MACROD2: variants seen among roughly 807,000 people sequenced by gnomAD.
MACROD2 encodes ADP-ribose glycohydrolase MACROD2.
MACROD2 carries 36 observed loss-of-function variants against 70.4 expected under a neutral mutation model. That is an observed-to-expected ratio of 0.51 (90% CI 0.39 to 0.68). MACROD2 has a LOEUF of 0.68. Among genes scored for constraint, MACROD2 ranks in the 30% least tolerant of loss-of-function variants. MACROD2 has a pLI of 0.00. For synonymous variants in MACROD2, 172 were observed against 178.8 expected (o/e 0.96, Z 0.30); for missense variants, 496 against 538.4 (o/e 0.92, Z 0.78).
chr20:14,616,181 A>G (rs189556661), intron 4 of MACROD2, among the ~76,000 whole-genome samples: 55 of 152,248 alleles, frequency 3.6e-4, no homozygotes, highest in Admixed American at 1.8e-3. Context: ...GGCCATATAA[A>G]CAGCACGTAT....
chr20:15,211,497 C>G (rs1383963751), intron 5 of MACROD2, among the ~76,000 whole-genome samples: 1 of 152,058 alleles, frequency 6.6e-6, no homozygotes, highest in East Asian at 1.9e-4. Flanking sequence ...CAGGTGGATC[C>G]TTTATAAATG....
chr20:15,637,218 C>CGGTAT (rs1484911192), intron 8 of MACROD2, among the ~76,000 whole-genome samples: 21 of 55,862 alleles, frequency 3.8e-4, no homozygotes, highest in African/African-American at 9.7e-4. Flanking sequence ...TATTTACTTG[C>CGGTAT]TGTATTAATT....
At chr20:15,427,024 G>GTC (rs74340878) in intron 6 of MACROD2, among the ~76,000 whole-genome samples, 215 of 151,710 alleles carry the variant, frequency 1.4e-3, no homozygotes, top group Non-Finnish European at 2.2e-3. Context: ...CTGTCTGTCT[G>GTC]TCTCTCTCTC....
intron 12 of MACROD2, among the ~76,000 whole-genome samples, chr20:15,941,921 C>A (rs565853049): frequency 6.6e-6 from 1 of 152,188 alleles, no homozygotes; most frequent in East Asian, 1.9e-4. Flanking sequence ...TTTGTTACAA[C>A]CTTGGTTTCC....
intron 2 of MACROD2, among the ~76,000 whole-genome samples, chr20:14,082,613 A>G (rs2054014307): frequency 6.6e-6 from 1 of 152,216 alleles, no homozygotes; most frequent in African/African-American, 2.4e-5. Context: ...CTTCATGAGA[A>G]AATGAAATAA....
At chr20:14,839,944 T>C (rs528928562) in intron 5 of MACROD2, among the ~76,000 whole-genome samples, 1 of 152,208 alleles carries the variant, frequency 6.6e-6, no homozygotes, top group South Asian at 2.1e-4. Flanking sequence ...GTAAAATGTC[T>C]CTTCCCTCTT....
chr20:14,768,544 C>T (rs1019363139), intron 5 of MACROD2, among the ~76,000 whole-genome samples: 4 of 152,008 alleles, frequency 2.6e-5, no homozygotes, highest in East Asian at 1.9e-4. Context: ...GTCTCAAGCA[C>T]GTGGCCTCAA....
At chr20:16,019,216 C>T (rs753086886) in intron 15 of MACROD2, among the ~76,000 whole-genome samples, 1 of 152,136 alleles carries the variant, frequency 6.6e-6, no homozygotes, top group Non-Finnish European at 1.5e-5. Flanking sequence ...TTAAAAAGAA[C>T]AAACCAACTT....
intron 3 of MACROD2, among the ~76,000 whole-genome samples, chr20:14,374,356 C>T (rs1327654679): frequency 6.6e-6 from 1 of 152,026 alleles, no homozygotes; most frequent in African/African-American, 2.4e-5. Flanking sequence ...ACAATGTGAC[C>T]CAAAATACTG....
intron 2 of MACROD2, among the ~76,000 whole-genome samples, chr20:14,079,141 G>GTTT (rs1479409934): frequency 6.6e-6 from 1 of 152,060 alleles, no homozygotes; most frequent in African/African-American, 2.4e-5. Context: ...CTTTTACTCT[G>GTTT]ATTCTTCCTG....
At chr20:14,342,399 A>G (rs191344614) in intron 3 of MACROD2, among the ~76,000 whole-genome samples, 185 of 152,282 alleles carry the variant, frequency 1.2e-3, no homozygotes, top group Admixed American at 2.2e-3. Context: ...AAACATCTTT[A>G]AAAGATACTC....
At chr20:14,696,518 C>T (rs1448635971) in intron 5 of MACROD2, among the ~76,000 whole-genome samples, 2 of 152,108 alleles carry the variant, frequency 1.3e-5, no homozygotes, top group African/African-American at 4.8e-5. Flanking sequence ...TTCCCATTAG[C>T]TGTTTTATTT....
chr20:15,825,390 G>A (rs1395652180), intron 8 of MACROD2, among the ~76,000 whole-genome samples: 1 of 152,170 alleles, frequency 6.6e-6, no homozygotes, highest in African/African-American at 2.4e-5. Flanking sequence ...CAAGGCTGAA[G>A]CTGATCTCCC....
At chr20:14,166,097 T>A (rs1254090967) in intron 3 of MACROD2, among the ~76,000 whole-genome samples, 1 of 152,232 alleles carries the variant, frequency 6.6e-6, no homozygotes, top group African/African-American at 2.4e-5. Flanking sequence ...GAATGATTTA[T>A]CATAAGTAAA....
chr20:15,721,919 C>A (rs1406300970), intron 8 of MACROD2, among the ~76,000 whole-genome samples: 1 of 152,142 alleles, frequency 6.6e-6, no homozygotes, highest in East Asian at 1.9e-4. Flanking sequence ...CTTTTATATT[C>A]TACTAGGTGT....
Position 15,890,072 on chromosome 20 carries a change from T to C in MACROD2, c.775+4261T>C, listed in dbSNP as rs141038662. ...CCAAAACACTTCACCTGTGGTATCA[T>C]GAAATGATACAATACTGTTTCACAG... On this transcript the variant is annotated intron_variant, in intron 10 of 17. Coordinates refer to ENST00000684519, the MANE Select transcript of MACROD2 (RefSeq NM_001351661.2). Among the ~76,000 whole-genome samples the C allele has an allele frequency of 7.5e-3, 1,141 of 152,306 alleles. 18 individuals carry two copies. Among genetic ancestry groups the C allele is most frequent in the African/African-American group, 0.026 (1,067 of 41,558 alleles).
chr20:16,019,871 T>A (rs1051378121), intron 15 of MACROD2, among the ~76,000 whole-genome samples: 3 of 152,078 alleles, frequency 2.0e-5, no homozygotes, highest in African/African-American at 7.2e-5. Flanking sequence ...CAGGAGAGTT[T>A]TCAGGTGTCA....
intron 8 of MACROD2, among the ~76,000 whole-genome samples, chr20:15,737,049 T>C (rs2051031799): frequency 6.6e-6 from 1 of 152,054 alleles, no homozygotes; most frequent in African/African-American, 2.4e-5. Flanking sequence ...GAGAAAGAGG[T>C]GTAGGACTTA....
intron 3 of MACROD2, among the ~76,000 whole-genome samples, chr20:14,470,155 T>G (rs1365799509): frequency 2.0e-5 from 3 of 152,182 alleles, no homozygotes; most frequent in African/African-American, 7.2e-5. Context: ...TATTCCTTTC[T>G]GTTTGTTAGT....
Sources: gnomAD v4.1 joint callset for allele counts (sites outside exome capture counted in the v4.1 genomes callset) on GRCh38, gnomAD v4.1.1 for gene constraint, MANE v1.5 for transcripts, NCBI Gene and HGNC (gene_info 2026-07-23, HGNC 2026-07-21) for gene names.